Variants in UMAD1 observed in about 807,000 individuals in gnomAD.
The protein encoded by UMAD1 is UBAP1-MVB12-associated (UMA)-domain containing protein 1.
A neutral mutation model predicts 6.1 loss-of-function variants in UMAD1; 8 were observed. The ratio of observed to expected loss-of-function variants is 1.30; its 90% CI spans 0.76 to 2.35. The LOEUF is 2.35. UMAD1 is among the 30% of genes most tolerant of loss of function. The pLI is 0.00. For synonymous variants in UMAD1, 56 were observed against 31.4 expected, an observed-to-expected ratio of 1.78 and a Z score of -2.61; for missense variants, 130 against 78.4, an observed-to-expected ratio of 1.66 and a Z score of -2.49.
At chr7:7,791,996 C>T (rs1428872947) in intron 2 of UMAD1, among the ~76,000 whole-genome samples, 1 of 152,108 alleles carries the variant, frequency 6.6e-6, no homozygotes, top group Non-Finnish European at 1.5e-5. Context: ...GTTTGTAATT[C>T]TTTTTATTAG....
chr7:7,868,453 C>T (rs570329187), intron 3 of UMAD1: 2 of 151,946 alleles, frequency 1.3e-5, no homozygotes, highest in Admixed American at 1.3e-4. Flanking sequence ...GTACGTTCAG[C>T]TGGAGTTCTG....
At chr7:7,817,739 G>A (rs945433210) in intron 3 of UMAD1, among the ~76,000 whole-genome samples, 4 of 152,026 alleles carry the variant, frequency 2.6e-5, no homozygotes, top group African/African-American at 7.2e-5. Context: ...TATCTCATCC[G>A]TTTTTGCATC....
At chr7:7,710,674 G>C (rs918924499) in intron 2 of UMAD1, among the ~76,000 whole-genome samples, 2 of 152,140 alleles carry the variant, frequency 1.3e-5, no homozygotes, top group African/African-American at 4.8e-5. Flanking sequence ...GTTACTATAC[G>C]ACTCAGCAAT....
chr7:7,764,233 AT>A, intron 2 of UMAD1, among the ~76,000 whole-genome samples: 1 of 152,270 alleles, frequency 6.6e-6, no homozygotes, highest in East Asian at 1.9e-4. Flanking sequence ...GGAAGCAGAA[AT>A]CTCTTACAAA....
chr7:7,733,013 G>A lies in UMAD1; in HGVS notation c.82+59560G>A, dbSNP rs141210133. On this transcript the variant is annotated intron_variant, in intron 2 of 3. Coordinates refer to ENST00000682710, the MANE Select transcript of UMAD1 (RefSeq NM_001302348.2). ...AACTACTTATTTATTTAATAAACCC[G>A]TCAATGAAAGAAACCTCTGTCATAA... is the stretch of plus-strand genomic sequence containing the variant. Among the ~76,000 whole-genome samples, 24 of 152,176 alleles carry A rather than the reference G, an allele frequency of 1.6e-4. No individual in the cohort carries two copies. The East Asian group carries it at 2.3e-3, about 15-fold the overall frequency.
At chr7:7,653,422 A>C (rs28916269) in intron 1 of UMAD1, among the ~76,000 whole-genome samples, 20,812 of 152,210 alleles carry the variant, frequency 0.14, 1,846 homozygotes, top group Non-Finnish European at 0.2. Flanking sequence ...CAGTAATCTT[A>C]TCTTCTAAAC....
intron 2 of UMAD1, among the ~76,000 whole-genome samples, chr7:7,779,749 A>G (rs1782306530): frequency 6.6e-6 from 1 of 151,916 alleles, no homozygotes; most frequent in African/African-American, 2.4e-5. Flanking sequence ...TGCTCAAGGG[A>G]TCTTCCCACC....
chr7:7,876,654 A>C (rs1293415400), intron 3 of UMAD1, among the ~76,000 whole-genome samples: 1 of 152,258 alleles, frequency 6.6e-6, no homozygotes, highest in African/African-American at 2.4e-5. Flanking sequence ...AATGACAATC[A>C]GACAATCAGT....
intron 3 of UMAD1, among the ~76,000 whole-genome samples, chr7:7,817,122 G>A (rs973370955): frequency 6.6e-5 from 10 of 152,134 alleles, no homozygotes; most frequent in Non-Finnish European, 2.9e-5. Flanking sequence ...TGCAATTTCT[G>A]TCACTTCTCT....
intron 2 of UMAD1, among the ~76,000 whole-genome samples, chr7:7,785,767 A>G (rs1782450143): frequency 6.6e-6 from 1 of 152,188 alleles, no homozygotes; most frequent in African/African-American, 2.4e-5. Flanking sequence ...TGAGGGAGGA[A>G]GAGGAAGCAG....
intron 2 of UMAD1, among the ~76,000 whole-genome samples, chr7:7,723,996 A>T (rs888402082): frequency 6.6e-6 from 1 of 152,202 alleles, no homozygotes; most frequent in Non-Finnish European, 1.5e-5. Context: ...TGGCTCCTCA[A>T]TCAATTTCCA....
intron 2 of UMAD1, among the ~76,000 whole-genome samples, chr7:7,775,201 A>G (rs1384731532): frequency 6.6e-6 from 1 of 152,202 alleles, no homozygotes; most frequent in African/African-American, 2.4e-5. Context: ...AAAGATGCTC[A>G]GCATCGGTAG....
chr7:7,697,828 T>C (rs1440903735), intron 2 of UMAD1, among the ~76,000 whole-genome samples: 1 of 152,176 alleles, frequency 6.6e-6, no homozygotes. Context: ...ATCTTCCAAT[T>C]TGAGACGTAT....
At chr7:7,714,249 G>A (rs1780836973) in intron 2 of UMAD1, among the ~76,000 whole-genome samples, 1 of 152,172 alleles carries the variant, frequency 6.6e-6, no homozygotes, top group Non-Finnish European at 1.5e-5. Context: ...ATATTGACCA[G>A]CATTTCCAAC....
intron 1 of UMAD1, among the ~76,000 whole-genome samples, chr7:7,654,167 T>G (rs1219508796): frequency 6.6e-6 from 1 of 152,206 alleles, no homozygotes; most frequent in Non-Finnish European, 1.5e-5. Flanking sequence ...CACAGATCCT[T>G]AAATCCATCA....
intron 2 of UMAD1, among the ~76,000 whole-genome samples, chr7:7,744,498 C>G (rs1409250355): frequency 6.6e-6 from 1 of 151,830 alleles, no homozygotes; most frequent in East Asian, 1.9e-4. Flanking sequence ...AATTGCCAGA[C>G]AATTTTTCAA....
intron 2 of UMAD1, among the ~76,000 whole-genome samples, chr7:7,739,413 C>G (rs186742912): frequency 3.3e-5 from 5 of 152,278 alleles, no homozygotes; most frequent in Admixed American, 2.0e-4. Context: ...GTACTCTCAA[C>G]AAAATAAAAT....
At chr7:7,700,641 A>G (rs1780437816) in intron 2 of UMAD1, among the ~76,000 whole-genome samples, 1 of 152,230 alleles carries the variant, frequency 6.6e-6, no homozygotes, top group African/African-American at 2.4e-5. Flanking sequence ...TAATCCTAGT[A>G]CTTTGGGAGG....
chr7:7,821,375 G>A (rs934207550), intron 3 of UMAD1, among the ~76,000 whole-genome samples: 2 of 152,112 alleles, frequency 1.3e-5, no homozygotes, highest in Admixed American at 6.6e-5. Context: ...CCATGATAAT[G>A]TTTTTGATAT....
Sources: allele counts gnomAD v4.1 joint callset (sites outside exome capture counted in the v4.1 genomes callset), GRCh38; gene constraint gnomAD v4.1.1; transcripts MANE v1.5; gene names NCBI Gene and HGNC (gene_info 2026-07-23, HGNC 2026-07-21).